FYB1: variants seen among roughly 807,000 people sequenced by gnomAD.
FYB1 encodes FYN-binding protein 1.
In FYB1, 41 loss-of-function variants were observed where a neutral mutation model predicts 94.1. The observed-to-expected ratio is 0.44, with a 90% CI of 0.34 to 0.57. The LOEUF is 0.57. Ranked by LOEUF, FYB1 falls within the 20% of genes least tolerant of loss-of-function variation. The pLI, the probability that FYB1 is intolerant of heterozygous loss-of-function variation, is 0.02. For missense variants in FYB1, 1,050 were observed against 976.8 expected (o/e 1.07, Z -1.00); for synonymous variants, 367 against 353.2 (o/e 1.04, Z -0.44).
At chr5:39,138,571 G>A in intron 6 of FYB1, 86 bp downstream of exon 6, 1 of 714,304 alleles carries the variant, frequency 1.4e-6, no homozygotes, top group South Asian at 1.9e-5. Flanking sequence ...TTCCCTCCTA[G>A]TGTTGTTATA....
chr5:39,193,496 G>A (rs1747546565), intron 2 of FYB1, among the ~76,000 whole-genome samples: 1 of 152,192 alleles, frequency 6.6e-6, no homozygotes, highest in Non-Finnish European at 1.5e-5. Context: ...TCATGGCTAA[G>A]GGAAGAAATA....
intron 16 of FYB1, among the ~76,000 whole-genome samples, chr5:39,117,005 G>A (rs1001908204): frequency 1.3e-4 from 20 of 151,966 alleles, no homozygotes; most frequent in Non-Finnish European, 2.6e-4. Context: ...CCATACCAAG[G>A]GCAAGATATG....
At chr5:39,243,627 C>CT (rs1324053032) in intron 1 of FYB1, among the ~76,000 whole-genome samples, 1 of 152,110 alleles carries the variant, frequency 6.6e-6, no homozygotes, top group Non-Finnish European at 1.5e-5. Context: ...AATGCAGGCT[C>CT]TTTTTTGGTT....
chr5:39,176,150 T>G (rs867129735), intron 2 of FYB1, among the ~76,000 whole-genome samples: 27 of 110,742 alleles, frequency 2.4e-4, no homozygotes, highest in African/African-American at 9.3e-4. Flanking sequence ...TTTTTTTTTT[T>G]TTTTTTTTTT....
At chr5:39,113,234 G>A (rs909557503) in intron 16 of FYB1, among the ~76,000 whole-genome samples, 4 of 152,028 alleles carry the variant, frequency 2.6e-5, no homozygotes, top group African/African-American at 9.7e-5. Context: ...ACATGTACAT[G>A]TATTATAGGG....
intron 2 of FYB1, among the ~76,000 whole-genome samples, chr5:39,195,843 G>C (rs1747782280): frequency 6.6e-6 from 1 of 152,120 alleles, no homozygotes; most frequent in African/African-American, 2.4e-5. Flanking sequence ...ACTGGCTCAG[G>C]ACCCAAAAGG....
At chr5:39,154,091 C>T (rs1046422536) in intron 2 of FYB1, among the ~76,000 whole-genome samples, 2 of 152,068 alleles carry the variant, frequency 1.3e-5, no homozygotes, top group African/African-American at 4.8e-5. Context: ...CGGCCTTATT[C>T]ATCCTTTACA....
intron 2 of FYB1, among the ~76,000 whole-genome samples, chr5:39,180,822 C>T (rs944959713): frequency 2.0e-5 from 3 of 152,188 alleles, no homozygotes; most frequent in Admixed American, 1.3e-4. Context: ...GAATAATAAA[C>T]CCTTTTATTG....
intron 16 of FYB1, among the ~76,000 whole-genome samples, chr5:39,116,114 A>G (rs1739542777): frequency 6.6e-6 from 1 of 152,204 alleles, no homozygotes; most frequent in African/African-American, 2.4e-5. Flanking sequence ...TCAAGCTCCA[A>G]TAATCCAAGT....
chr5:39,116,996 C>A (rs1379432023), intron 16 of FYB1, among the ~76,000 whole-genome samples: 1 of 152,006 alleles, frequency 6.6e-6, no homozygotes, highest in Non-Finnish European at 1.5e-5. Context: ...TTTCTTCTAC[C>A]ATACCAAGGG....
chr5:39,203,934 G>A (rs1305408090), intron 1 of FYB1, among the ~76,000 whole-genome samples: 2 of 152,166 alleles, frequency 1.3e-5, no homozygotes, highest in East Asian at 1.9e-4. Flanking sequence ...TGTCTCAAAA[G>A]CAAGGAGTTT....
At chr5:39,117,378 C>T (rs577186054) in intron 16 of FYB1, among the ~76,000 whole-genome samples, 1 of 152,272 alleles carries the variant, frequency 6.6e-6, no homozygotes, top group East Asian at 1.9e-4. Flanking sequence ...AACTTTTAAA[C>T]ATTTTTTGAT....
At chr5:39,118,143 A>G (rs769820788) in intron 16 of FYB1, among the ~76,000 whole-genome samples, 4 of 152,138 alleles carry the variant, frequency 2.6e-5, no homozygotes, top group Non-Finnish European at 5.9e-5. Context: ...AGCTCAAGCA[A>G]TCATCCTGCC....
chr5:39,126,355 G>T (rs1257627666), intron 11 of FYB1, among the ~76,000 whole-genome samples: 1 of 151,506 alleles, frequency 6.6e-6, no homozygotes, highest in Non-Finnish European at 1.5e-5. Context: ...TTTCTATCAA[G>T]TGAGAATTCT....
chr5:39,255,048 T>G (rs1751874473), intron 1 of FYB1, among the ~76,000 whole-genome samples: 1 of 152,166 alleles, frequency 6.6e-6, no homozygotes, highest in Non-Finnish European at 1.5e-5. Flanking sequence ...GATAGTAAGA[T>G]TTTTACCTTT....
chr5:39,153,765 C>G (rs1374269977), intron 2 of FYB1, among the ~76,000 whole-genome samples, 161 bp from the exon 3 acceptor site: 1 of 152,036 alleles, frequency 6.6e-6, no homozygotes, highest in Admixed American at 6.5e-5. Context: ...ATTATTATTA[C>G]TACGTTGTGT....
At chr5:39,249,797 G>A (rs1751639341) in intron 1 of FYB1, among the ~76,000 whole-genome samples, 1 of 152,176 alleles carries the variant, frequency 6.6e-6, no homozygotes, top group Admixed American at 6.5e-5. Context: ...CAGATCTGGT[G>A]AAAGATGGTG....
intron 1 of FYB1, among the ~76,000 whole-genome samples, chr5:39,231,157 A>AAC (rs1246711557): frequency 3.4e-5 from 4 of 118,458 alleles, no homozygotes; most frequent in African/African-American, 1.3e-4. Flanking sequence ...CAAAAAAAAA[A>AAC]AAAACAAAAA....
intron 1 of FYB1, among the ~76,000 whole-genome samples, chr5:39,265,440 C>A (rs567806206): frequency 1.3e-5 from 2 of 150,812 alleles, no homozygotes; most frequent in East Asian, 3.9e-4. Context: ...GCTGAGTTCA[C>A]GCCACTGCAC....
Sources: allele counts gnomAD v4.1 joint callset (sites outside exome capture counted in the v4.1 genomes callset), GRCh38; gene constraint gnomAD v4.1.1; transcripts MANE v1.5; gene names NCBI Gene and HGNC (gene_info 2026-07-23, HGNC 2026-07-21).